ARHGAP24: variants seen among roughly 807,000 people sequenced by gnomAD.
ARHGAP24 encodes Rho GTPase activating protein 24.
Under a neutral mutation model 76.4 loss-of-function variants are expected in ARHGAP24, and 50 were observed. The observed-to-expected ratio is 0.65, with a 90% CI of 0.52 to 0.83. The LOEUF (loss-of-function observed/expected upper bound fraction) is 0.83. ARHGAP24 is among the 40% of genes least tolerant of loss of function. The pLI is 0.00. For synonymous variants in ARHGAP24, 345 were observed against 323.3 expected, an observed-to-expected ratio of 1.07 and a Z score of -0.72; for missense variants, 930 against 914.2, an observed-to-expected ratio of 1.02 and a Z score of -0.22.
rs1398263227 is a variant in ARHGAP24, at chr4:85,972,365, G to T, written c.732+197G>T. ...GATCCCCTCTCTGATCAAAAAAAAAGAATATGGCTGAATAAATTAAATCAG... is the reference window on the plus strand; with the variant it reads ...GATCCCCTCTCTGATCAAAAAAAAATAATATGGCTGAATAAATTAAATCAG... On this transcript the variant is annotated intron_variant, in intron 6 of 9. Coordinates refer to ENST00000395184, the MANE Select transcript of ARHGAP24 (RefSeq NM_001025616.3). The T allele has an allele frequency of 9.4e-6, 6 of 639,642 alleles. No homozygotes were observed. The East Asian group carries it at 1.7e-4, about 19-fold the overall frequency. 39.6% of individuals were successfully genotyped at this position (639,642 alleles called of 1,614,324 possible). A position where few individuals can be genotyped will look rare whatever the true frequency, so the allele number is the denominator to read the frequency against.
intron 8 of ARHGAP24, among the ~76,000 whole-genome samples, chr4:85,985,547 C>A (rs1211956900): frequency 1.3e-5 from 2 of 152,020 alleles, no homozygotes; most frequent in African/African-American, 4.8e-5. Context: ...CATACCTGGA[C>A]AATGAAATAA....
intron 2 of ARHGAP24, among the ~76,000 whole-genome samples, chr4:85,653,682 A>G (rs1298645559): frequency 3.9e-5 from 6 of 151,950 alleles, no homozygotes; most frequent in Non-Finnish European, 8.8e-5. Flanking sequence ...AGGGGGTTTC[A>G]CCATGTTGGC....
chr4:85,776,355 T>C (rs1727309161), intron 3 of ARHGAP24, among the ~76,000 whole-genome samples: 1 of 152,158 alleles, frequency 6.6e-6, no homozygotes, highest in Non-Finnish European at 1.5e-5. Context: ...ACAGTGAGTA[T>C]TCCCCACTAA....
chr4:85,662,722 A>G (rs982287612), intron 2 of ARHGAP24, among the ~76,000 whole-genome samples: 3 of 152,118 alleles, frequency 2.0e-5, no homozygotes, highest in Non-Finnish European at 4.4e-5. Flanking sequence ...ATCCAGTTTC[A>G]GCTTTCTACA....
chr4:85,642,000 T>A (rs1184568151), intron 2 of ARHGAP24, among the ~76,000 whole-genome samples: 4 of 152,174 alleles, frequency 2.6e-5, no homozygotes, highest in African/African-American at 9.6e-5. Flanking sequence ...CAGCAAGGCC[T>A]GTCCATTCAA....
intron 1 of ARHGAP24, among the ~76,000 whole-genome samples, chr4:85,537,154 A>G (rs1377033942): frequency 1.3e-5 from 2 of 152,062 alleles, no homozygotes; most frequent in Non-Finnish European, 2.9e-5. Flanking sequence ...ACTTCAATCA[A>G]TGGACAAGCA....
intron 2 of ARHGAP24, among the ~76,000 whole-genome samples, chr4:85,609,555 G>C (rs1720313300): frequency 6.6e-6 from 1 of 151,956 alleles, no homozygotes; most frequent in Non-Finnish European, 1.5e-5. Context: ...AATTAATCTG[G>C]AATGACTTCA....
At chr4:85,904,477 T>C (rs1006520936) in intron 3 of ARHGAP24, among the ~76,000 whole-genome samples, 1 of 152,220 alleles carries the variant, frequency 6.6e-6, no homozygotes, top group African/African-American at 2.4e-5. Context: ...ATTCAGCATG[T>C]GATCTGGGCA....
chr4:85,765,431 A>G (rs1481473885), intron 3 of ARHGAP24, among the ~76,000 whole-genome samples: 2 of 152,116 alleles, frequency 1.3e-5, no homozygotes, highest in Non-Finnish European at 2.9e-5. Context: ...AAGGAAAATG[A>G]GTTGAAAGAT....
At chr4:85,938,186 G>A (rs764299294) in intron 4 of ARHGAP24, among the ~76,000 whole-genome samples, 2 of 152,148 alleles carry the variant, frequency 1.3e-5, no homozygotes, top group African/African-American at 4.8e-5. Context: ...TCACATCCTC[G>A]GTGATGCTTT....
chr4:85,564,427 G>A (rs983154246), intron 1 of ARHGAP24, among the ~76,000 whole-genome samples: 18 of 137,734 alleles, frequency 1.3e-4, no homozygotes, highest in African/African-American at 4.2e-4. Context: ...AGCATTAGGA[G>A]ATATACCTAA....
At chr4:85,604,396 T>A (rs1225239193) in intron 2 of ARHGAP24, 1 of 152,226 alleles carries the variant, frequency 6.6e-6, no homozygotes, top group African/African-American at 2.4e-5. Context: ...TATTTAATAG[T>A]AAGTAAACTT....
At chr4:85,781,508 A>G (rs1287456699) in intron 3 of ARHGAP24, among the ~76,000 whole-genome samples, 1 of 152,148 alleles carries the variant, frequency 6.6e-6, no homozygotes, top group Non-Finnish European at 1.5e-5. Flanking sequence ...ATACTTGATC[A>G]TTTAACTTTA....
At chr4:85,617,398 C>T (rs986894740) in intron 2 of ARHGAP24, among the ~76,000 whole-genome samples, 12 of 151,794 alleles carry the variant, frequency 7.9e-5, no homozygotes, top group African/African-American at 2.4e-4. Flanking sequence ...TACTTACTTA[C>T]GTATCCTTCC....
chr4:85,525,600 A>G (rs1318778035), intron 1 of ARHGAP24, among the ~76,000 whole-genome samples: 1 of 152,138 alleles, frequency 6.6e-6, no homozygotes, highest in East Asian at 1.9e-4. Flanking sequence ...CCATGCAATT[A>G]TTGAGCACTC....
intron 2 of ARHGAP24, among the ~76,000 whole-genome samples, chr4:85,595,290 T>G (rs907010978): frequency 6.6e-6 from 1 of 152,104 alleles, no homozygotes; most frequent in Non-Finnish European, 1.5e-5. Context: ...GAGTATCTCT[T>G]GGCAGACCAA....
chr4:85,935,430 G>A (rs1736576598), intron 4 of ARHGAP24, among the ~76,000 whole-genome samples: 1 of 152,182 alleles, frequency 6.6e-6, no homozygotes, highest in African/African-American at 2.4e-5. Context: ...GAAACCCAGT[G>A]ATTCACATAA....
intron 1 of ARHGAP24, among the ~76,000 whole-genome samples, chr4:85,487,294 TATATATATTTATTATATATAAA>T (rs1383390012): frequency 3.0e-4 from 36 of 122,020 alleles, no homozygotes; most frequent in African/African-American, 9.3e-4. Flanking sequence ...ATATAGTAAA[TATATATATTTATTATATATAAA>T]ATATATATTT....
chr4:85,564,508 T>G (rs905803595), intron 1 of ARHGAP24, among the ~76,000 whole-genome samples: 4 of 151,640 alleles, frequency 2.6e-5, no homozygotes, highest in Non-Finnish European at 4.4e-5. Flanking sequence ...AACCTGCATG[T>G]TGTGCACATG....
Sources: gnomAD v4.1 joint callset for allele counts (sites outside exome capture counted in the v4.1 genomes callset) on GRCh38, gnomAD v4.1.1 for gene constraint, MANE v1.5 for transcripts, NCBI Gene and HGNC (gene_info 2026-07-23, HGNC 2026-07-21) for gene names.